NUP93: variants seen among roughly 807,000 people sequenced by gnomAD.
The protein encoded by NUP93 is nucleoporin 93.
A neutral mutation model predicts 107.8 loss-of-function variants in NUP93; 55 were observed. That is an observed-to-expected ratio of 0.51 (90% CI 0.41 to 0.64). NUP93 has a LOEUF of 0.64. Among genes scored for constraint, NUP93 ranks in the 30% least tolerant of loss-of-function variants. NUP93 has a pLI of 0.00. For missense variants in NUP93, 937 were observed against 1,044.7 expected (o/e 0.90, Z 1.42); for synonymous variants, 390 against 397.5 (o/e 0.98, Z 0.22).
chr16:56,831,810 GTATC>G (rs1963795702), intron 10 of NUP93, 28 bp from the exon 11 acceptor site: 1 of 1,607,912 alleles, frequency 6.2e-7, no homozygotes, highest in Non-Finnish European at 8.5e-7. Context: ...TATTGAGTAT[GTATC>G]TATCTGTCTG....
At chr16:56,766,852 CTTCTT>C (rs1476050760) in intron 3 of NUP93, among the ~76,000 whole-genome samples, 1 of 152,150 alleles carries the variant, frequency 6.6e-6, no homozygotes, top group Non-Finnish European at 1.5e-5. Flanking sequence ...CTTGGCTTTA[CTTCTT>C]TTCATTTGTT....
Position 56,830,619 on chromosome 16 carries a change from G to A in NUP93, c.1019G>A (p.Arg340Gln), listed in dbSNP as rs758920885. The stretch of plus-strand genomic sequence containing the variant: ...CTTGCCGCTTCACAGGTAGTTAATC[G>A]AGCCCAGCACCAGCTGGGAGAGTTT... ...DLLAASQVVN[R>Q]AQHQLGEFKT... is the part of the protein sequence containing the mutation. Residue 340 changes from arginine to glutamine, a missense_variant, in exon 10 of 22, where the codon CGA becomes CAA. Physicochemically the swap from Arg to Gln is conservative, Grantham distance 43. Coordinates refer to ENST00000308159, the MANE Select transcript of NUP93 (RefSeq NM_014669.5). 4 of 1,610,544 alleles carry A rather than the reference G, an allele frequency of 2.5e-6. No homozygotes were observed. The highest frequency in any genetic ancestry group is 2.2e-5 in the East Asian group (1 of 44,796).
Position 56,758,551 on chromosome 16 carries a change from G to T in NUP93, c.193G>T (p.Gly65Trp), listed in dbSNP as rs1057206361. ...TADVKASVLL[G>W]SRGLDISHIS... is the part of the protein sequence containing the mutation. Reference sequence around the variant, plus strand: ...ATCCTCACATAGGTCAGTTCTCCTCGGGTCTCGGGGACTTGACATATCCCA... The same window carrying T: ...ATCCTCACATAGGTCAGTTCTCCTCTGGTCTCGGGGACTTGACATATCCCA... Residue 65 changes from glycine to tryptophan, a missense_variant, in exon 3 of 22, where the codon GGG (glycine) becomes TGG (tryptophan). Transcript: ENST00000308159. The T allele has an allele frequency of 6.8e-6, 11 of 1,613,278 alleles. No individual in the cohort carries two copies. The highest frequency in any genetic ancestry group is 1.7e-5 in the Admixed American group (1 of 59,952).
rs1962003203 is a variant in NUP93, at chr16:56,755,561, A to C, written c.180-2977A>C. 2.0e-5 allele frequency among the ~76,000 whole-genome samples: 3 copies of C among 152,074 alleles called. No individual in the cohort carries two copies. The South Asian group carries it at 6.2e-4, about 32-fold the overall frequency. On this transcript the variant is annotated intron_variant, in intron 2 of 21. Transcript: ENST00000308159. ...AATTGATTGTAGTGATGATTGTACA[A>C]TTTTATGAATACATAAAAATCACTG...
At chr16:56,781,756 G>A (rs1284393115) in intron 3 of NUP93, 3 of 881,770 alleles carry the variant, frequency 3.4e-6, no homozygotes, top group East Asian at 1.2e-4. Flanking sequence ...CCTACATGTT[G>A]TCTCTCCCCC....
At chr16:56,785,293 C>CTA (rs1481501045) in intron 3 of NUP93, among the ~76,000 whole-genome samples, 4 of 152,068 alleles carry the variant, frequency 2.6e-5, no homozygotes, top group African/African-American at 9.7e-5. Flanking sequence ...CTTTTGTTGG[C>CTA]TTTATAATAA....
At chr16:56,805,833 C>A in intron 5 of NUP93, 2 of 578,166 alleles carry the variant, frequency 3.5e-6, no homozygotes, top group Non-Finnish European at 3.0e-6. Context: ...CTTTGCTGAG[C>A]TTTCCTCAAA....
At chr16:56,841,944 C>G in intron 21 of NUP93, 111 bp downstream of exon 21, 1 of 1,301,896 alleles carries the variant, frequency 7.7e-7, no homozygotes, top group Non-Finnish European at 1.0e-6. Flanking sequence ...CTCCTCAGTA[C>G]CTGGCAGCTG....
At chr16:56,762,908 T>C (rs1367112732) in intron 3 of NUP93, among the ~76,000 whole-genome samples, 3 of 152,118 alleles carry the variant, frequency 2.0e-5, no homozygotes, top group African/African-American at 7.2e-5. Context: ...CAGGTCTACC[T>C]TTCATGTCAT....
rs990904998 is a variant in NUP93 at position 56,831,882 on chromosome 16, C to T, written c.1126C>T (p.Arg376Cys). 4 of 1,614,042 alleles carry T rather than the reference C, an allele frequency of 2.5e-6. No individual in the cohort carries two copies. Among genetic ancestry groups the T allele is most frequent in the Non-Finnish European group, 3.4e-6 (4 of 1,180,002 alleles). ...ATENKLRLHY[R>C]RALRNNTDPY... ...GGAAAACAAGCTCCGGCTGCATTAC[C>T]GTAGGGCCCTCAGGAACAATACAGA... The change falls in exon 11 of 22, where the codon CGT becomes TGT. Residue 376 changes from arginine (R) to cysteine (C), a missense_variant. Physicochemically the swap from Arg to Cys is radical, Grantham distance 180. Coordinates refer to ENST00000308159, the MANE Select transcript of NUP93 (RefSeq NM_014669.5).
At chr16:56,740,362 C>T (rs1597100525) in intron 1 of NUP93, among the ~76,000 whole-genome samples, 1 of 150,852 alleles carries the variant, frequency 6.6e-6, no homozygotes, top group East Asian at 2.0e-4. Context: ...CTCGGCCGGG[C>T]AGAGGCGCTC....
intron 18 of NUP93, among the ~76,000 whole-genome samples, 174 bp downstream of exon 18, chr16:56,837,900 C>G (rs1668248516): frequency 6.6e-6 from 1 of 152,248 alleles, no homozygotes; most frequent in Non-Finnish European, 1.5e-5. Flanking sequence ...GTCCCCGCAT[C>G]AGAACTAGTA....
intron 8 of NUP93, among the ~76,000 whole-genome samples, chr16:56,824,819 A>G (rs745529371): frequency 4.6e-5 from 7 of 152,212 alleles, no homozygotes; most frequent in Non-Finnish European, 8.8e-5. Context: ...GACACATTAC[A>G]TTCACTAGCT....
In NUP93 at chr16:56,817,723, G is replaced by A. The variant is rs543718847; in HGVS notation, c.490-941G>A. ...GTGGCTGGCTTCATAAGATTATACCGTATTTTTATGTGCCTTTTCTATATT... is the reference window on the plus strand; with the variant it reads ...GTGGCTGGCTTCATAAGATTATACCATATTTTTATGTGCCTTTTCTATATT... On this transcript the variant is annotated intron_variant, in intron 5 of 21. Coordinates refer to ENST00000308159, the MANE Select transcript of NUP93 (RefSeq NM_014669.5). 2.0e-3 allele frequency among the ~76,000 whole-genome samples: 306 copies of A among 152,106 alleles called. 1 individual carries two copies. The highest frequency in any genetic ancestry group is 7.0e-3 in the African/African-American group (290 of 41,500).
chr16:56,813,501 AG>A (rs1483639039), intron 5 of NUP93, among the ~76,000 whole-genome samples: 4 of 152,196 alleles, frequency 2.6e-5, no homozygotes, highest in Non-Finnish European at 5.9e-5. Flanking sequence ...GTTCAGGTAT[AG>A]AAAGTGCTCT....
intron 5 of NUP93, among the ~76,000 whole-genome samples, chr16:56,809,414 T>TA (rs11444883): frequency 0.88 from 133,737 of 152,176 alleles, 59,088 homozygotes; most frequent in East Asian, 0.99. Flanking sequence ...TATTATCTTT[T>TA]AAAAGCAGTT....
chr16:56,736,041 G>C (rs1041930751), intron 1 of NUP93, among the ~76,000 whole-genome samples: 1 of 152,078 alleles, frequency 6.6e-6, no homozygotes, highest in Non-Finnish European at 1.5e-5. Flanking sequence ...ATTTAAATCT[G>C]TTTAGGAGCT....
At chr16:56,735,407 A>T (rs1961595411) in intron 1 of NUP93, among the ~76,000 whole-genome samples, 1 of 152,216 alleles carries the variant, frequency 6.6e-6, no homozygotes, top group Non-Finnish European at 1.5e-5. Flanking sequence ...ATGTGCAAGG[A>T]TAGTCAGGGA....
intron 8 of NUP93, among the ~76,000 whole-genome samples, chr16:56,827,704 C>T (rs888381466): frequency 1.3e-5 from 2 of 152,184 alleles, no homozygotes; most frequent in Non-Finnish European, 1.5e-5. Context: ...GGACTGGACT[C>T]TATAAATAAA....
Sources: gnomAD v4.1 joint callset for allele counts (sites outside exome capture counted in the v4.1 genomes callset) on GRCh38, gnomAD v4.1.1 for gene constraint, MANE v1.5 for transcripts, NCBI Gene and HGNC (gene_info 2026-07-23, HGNC 2026-07-21) for gene names.